The following CAST variants were observed in gnomAD, a reference collection of about 807,000 sequenced individuals.
CAST encodes MIR583 host.
Under a neutral mutation model 119.6 loss-of-function variants are expected in CAST, and 76 were observed. The ratio of observed to expected loss-of-function variants is 0.64; its 90% CI spans 0.53 to 0.77. The LOEUF (loss-of-function observed/expected upper bound fraction) is 0.77. CAST is among the 30% of genes least tolerant of loss of function. CAST has a pLI of 0.00. For synonymous variants in CAST, 319 were observed against 331.6 expected (o/e 0.96, Z 0.41); for missense variants, 953 against 946.5 (o/e 1.01, Z -0.09).
chr5:95,983,966 G>T, the CAST span, among the ~76,000 whole-genome samples: 1 of 152,152 alleles, frequency 6.6e-6, no homozygotes, highest in South Asian at 2.1e-4. Context: ...ATTTAAAAAT[G>T]TAGATCCTAG....
upstream of CAST, among the ~76,000 whole-genome samples, chr5:96,520,579 G>T (rs1386804566): frequency 1.3e-5 from 2 of 149,194 alleles, no homozygotes. Flanking sequence ...GTGTGTGTCT[G>T]TGTGTGTGTG....
chr5:96,586,347 A>AT (rs1374159023), intron 1 of CAST, among the ~76,000 whole-genome samples: 1 of 152,126 alleles, frequency 6.6e-6, no homozygotes, highest in Non-Finnish European at 1.5e-5. Flanking sequence ...CAGGGAAATA[A>AT]TTTTTTCAAT....
At chr5:96,099,754 G>A in the CAST span, among the ~76,000 whole-genome samples, 1 of 152,124 alleles carries the variant, frequency 6.6e-6, no homozygotes, top group Non-Finnish European at 1.5e-5. Flanking sequence ...TTTTTGCATT[G>A]ATGTTCATCA....
the CAST span, among the ~76,000 whole-genome samples, chr5:95,968,338 T>G: frequency 6.6e-6 from 1 of 152,228 alleles, no homozygotes; most frequent in South Asian, 2.1e-4. Flanking sequence ...AATTCTATTT[T>G]TATGTGTGGT....
At chr5:96,106,027 G>A in the CAST span, among the ~76,000 whole-genome samples, 44 of 152,282 alleles carry the variant, frequency 2.9e-4, no homozygotes, top group East Asian at 8.5e-3. Flanking sequence ...TTGCGTAGAG[G>A]TGTTTGTAGC....
At chr5:96,000,102 A>T in the CAST span, among the ~76,000 whole-genome samples, 8 of 151,692 alleles carry the variant, frequency 5.3e-5, 1 homozygote, top group South Asian at 4.2e-4. Context: ...TGATTGGGTC[A>T]TTTGTCTTTT....
chr5:96,267,497 C>G, the CAST span, among the ~76,000 whole-genome samples: 1 of 152,106 alleles, frequency 6.6e-6, no homozygotes. Flanking sequence ...GGAAACTATA[C>G]AGGCAAAGAT....
At chr5:96,473,514 T>C in the CAST span, among the ~76,000 whole-genome samples, 2 of 152,210 alleles carry the variant, frequency 1.3e-5, no homozygotes, top group Non-Finnish European at 2.9e-5. Flanking sequence ...TTCTTTCTCC[T>C]CCAGTGTGGC....
At chr5:96,642,081 A>G (rs1206139804) in intron 1 of CAST, among the ~76,000 whole-genome samples, 1 of 152,178 alleles carries the variant, frequency 6.6e-6, no homozygotes, top group East Asian at 1.9e-4. Context: ...TACTCTCATT[A>G]TCTCCCCATG....
At chr5:96,304,750 A>G in the CAST span, among the ~76,000 whole-genome samples, 1 of 152,250 alleles carries the variant, frequency 6.6e-6, no homozygotes, top group Admixed American at 6.5e-5. Context: ...GTCAAAGATC[A>G]GATGGTTGTA....
chr5:96,258,570 A>T, the CAST span, among the ~76,000 whole-genome samples: 1 of 152,134 alleles, frequency 6.6e-6, no homozygotes, highest in Non-Finnish European at 1.5e-5. Flanking sequence ...ACATGCCTCT[A>T]CCTGTGAAGC....
At chr5:96,219,544 G>A in the CAST span, among the ~76,000 whole-genome samples, 65 of 152,338 alleles carry the variant, frequency 4.3e-4, 1 homozygote, top group African/African-American at 1.5e-3. Context: ...GGTGGCCCAT[G>A]CCTGTAATCC....
chr5:96,351,690 T>C, the CAST span, among the ~76,000 whole-genome samples: 12 of 151,984 alleles, frequency 7.9e-5, no homozygotes, highest in Non-Finnish European at 1.5e-4. Context: ...GTAGTGTGGG[T>C]GTAATGAGAA....
chr5:96,701,281 A>G (rs372492435), intron 3 of CAST, among the ~76,000 whole-genome samples: 2 of 152,292 alleles, frequency 1.3e-5, no homozygotes, highest in South Asian at 2.1e-4. Context: ...TCAGGAGCAC[A>G]GAAATACATT....
At chr5:95,971,185 A>G in the CAST span, among the ~76,000 whole-genome samples, 1 of 152,176 alleles carries the variant, frequency 6.6e-6, no homozygotes, top group Non-Finnish European at 1.5e-5. Flanking sequence ...GACTTGGTAT[A>G]TTGACTAAGT....
the CAST span, among the ~76,000 whole-genome samples, chr5:96,496,190 T>A: frequency 1.6e-4 from 24 of 152,336 alleles, no homozygotes; most frequent in Admixed American, 1.2e-3. Context: ...TTTATTTGAA[T>A]TATTATTCCA....
chr5:96,004,977 A>G, the CAST span, among the ~76,000 whole-genome samples: 1 of 152,234 alleles, frequency 6.6e-6, no homozygotes, highest in African/African-American at 2.4e-5. Flanking sequence ...GGCAGAGGAC[A>G]TTGCAACAGA....
At chr5:95,997,973 T>G in the CAST span, among the ~76,000 whole-genome samples, 4 of 147,582 alleles carry the variant, frequency 2.7e-5, no homozygotes, top group African/African-American at 5.1e-5. Flanking sequence ...GTTTTTTTTT[T>G]TTTTTTTTTT....
chr5:95,967,492 A>T, the CAST span, among the ~76,000 whole-genome samples: 1 of 152,162 alleles, frequency 6.6e-6, no homozygotes, highest in Non-Finnish European at 1.5e-5. Flanking sequence ...CCCAAATCTC[A>T]TCCTGAATTG....
Sources: allele counts gnomAD v4.1 joint callset (sites outside exome capture counted in the v4.1 genomes callset), GRCh38; gene constraint gnomAD v4.1.1; transcripts MANE v1.5; gene names NCBI Gene and HGNC (gene_info 2026-07-23, HGNC 2026-07-21).